The following PERM1 variants were observed in gnomAD, a reference collection of about 807,000 sequenced individuals.
PERM1 encodes PGC-1 and ERR-induced regulator in muscle protein 1.
A neutral mutation model predicts 44.1 loss-of-function variants in PERM1; 45 were observed. That is an observed-to-expected ratio of 1.02 (90% confidence interval 0.80 to 1.31). The LOEUF is 1.31. Ranked by LOEUF, PERM1 falls within the 50% of genes most tolerant of loss-of-function variation. The pLI is 0.00. For synonymous variants in PERM1, 565 were observed against 477.1 expected, an observed-to-expected ratio of 1.18 and a Z score of -2.40; for missense variants, 1,189 against 1,106.9, an observed-to-expected ratio of 1.07 and a Z score of -1.05.
At chr1:978,553 A>T (rs1264728717) in intron 1 of PERM1, among the ~76,000 whole-genome samples, 1 of 152,238 alleles carries the variant, frequency 6.6e-6, no homozygotes, top group Non-Finnish European at 1.5e-5. Context: ...TCAGTGTGAG[A>T]TGGGCCTCGT....
At chr1:979,828 A>G (rs748444328) in exon 1 of PERM1, 2 of 1,549,804 alleles carry the variant, frequency 1.3e-6, no homozygotes, top group South Asian at 1.2e-5. Flanking sequence ...AGGTGTGGAC[A>G]CAGCCACGTC....
chr1:976,085 G>A (rs1273789969), exon 3 of PERM1: 2 of 1,332,402 alleles, frequency 1.5e-6, no homozygotes, highest in Middle Eastern at 2.6e-4. Context: ...AGGGGTCAGA[G>A]GGCCCGGGCG....
At chr1:980,397 C>G in exon 1 of PERM1, 1 of 1,549,982 alleles carries the variant, frequency 6.5e-7, no homozygotes, top group Non-Finnish European at 8.7e-7. Context: ...CAGGACTGGC[C>G]GCAGGGAGCA....
chr1:976,388 G>T (rs1360956708), intron 2 of PERM1, 111 bp downstream of exon 3: 22 of 1,510,464 alleles, frequency 1.5e-5, no homozygotes, highest in South Asian at 2.5e-5. Context: ...AGCTCAGCCT[G>T]GGGGGAGCAG....
chr1:978,933 G>T (rs1198794361), exon 1 of PERM1: 7 of 1,507,058 alleles, frequency 4.6e-6, no homozygotes, highest in Admixed American at 2.2e-5. Context: ...GCTTGAGGGG[G>T]GTCCCAGGCC....
At chr1:976,576 A>G in exon 2 of PERM1, 6 of 1,549,546 alleles carry the variant, frequency 3.9e-6, no homozygotes, top group Non-Finnish European at 5.2e-6. Flanking sequence ...CACCAGGCAC[A>G]TGTCATTCTG....
rs1255357753 is a variant in PERM1, at chr1:978,877, G to T, written c.2149+4C>A. The stretch of plus-strand genomic sequence containing the variant: ...GACGGGCTGTGGGATCCGAGAGCAC[G>T]TACCTGCCCGTCTAAGAGCCAGGTG... On this transcript the variant is annotated splice_donor_region_variant and intron_variant, in intron 1 of 2. Transcript: ENST00000433179. The T allele has an allele frequency of 2.0e-6, 3 of 1,476,736 alleles. No individual in the cohort carries two copies. The East Asian group carries it at 7.5e-5, about 37-fold the overall frequency. 91.5% of individuals were successfully genotyped at this position (1,476,736 alleles called of 1,614,324 possible). A position where few individuals can be genotyped will look rare whatever the true frequency, so the allele number is the denominator to read the frequency against.
At chr1:981,104 C>T, upstream of PERM1, 3 of 1,548,744 alleles carry the variant, frequency 1.9e-6, no homozygotes, top group Non-Finnish European at 8.7e-7. Flanking sequence ...CCCCGGGCAC[C>T]ACCCTGCACA....
At chr1:976,290 C>G in intron 2 of PERM1, 21 bp from the exon 4 acceptor site, 1 of 1,485,672 alleles carries the variant, frequency 6.7e-7, no homozygotes, top group African/African-American at 1.4e-5. Context: ...AGCACAGGCT[C>G]TTCTGAGGGC....
At chr1:978,994 G>C (rs945957682) in exon 1 of PERM1, 3 of 1,527,560 alleles carry the variant, frequency 2.0e-6, no homozygotes, top group East Asian at 2.5e-5. Flanking sequence ...CAGTGGGAGC[G>C]GGACAGCCGG....
exon 3 of PERM1, chr1:975,842 C>T (rs1295599418): frequency 1.3e-5 from 4 of 305,644 alleles, no homozygotes; most frequent in East Asian, 1.3e-4. Flanking sequence ...ACAACAACTT[C>T]TTAGTAAAAT....
At chr1:979,536 G>A (rs532401654) in exon 1 of PERM1, 1 of 1,550,008 alleles carries the variant, frequency 6.5e-7, no homozygotes, top group Non-Finnish European at 8.7e-7. Flanking sequence ...TCTTCCTGGG[G>A]ACTTGGGTGA....
At chr1:980,735 C>G (rs932082507) in exon 1 of PERM1, 1 of 1,411,806 alleles carries the variant, frequency 7.1e-7, no homozygotes, top group Admixed American at 3.2e-5. Context: ...GTCTGCTGAC[C>G]GGTCCCCAGG....
chr1:979,062 G>A (rs1643705996), exon 1 of PERM1: 2 of 1,547,362 alleles, frequency 1.3e-6, no homozygotes, highest in Admixed American at 2.0e-5. Flanking sequence ...AGACCTCAGG[G>A]ATGGAGATGG....
rs1296493621 is a variant in PERM1 at position 979,826 on chromosome 1, A to T, written c.1204T>A (p.Ser402Thr). ...AGGCCATGTTTGGAGGCAGGTGTGGACACAGCCACGTCCGTGTCCAATTGT... is the reference window on the plus strand; with the variant it reads ...AGGCCATGTTTGGAGGCAGGTGTGGTCACAGCCACGTCCGTGTCCAATTGT... The change falls in exon 1 of 3, where the codon TCC becomes ACC. Residue 402 changes from serine to threonine, a missense_variant. Physicochemically the swap from Ser to Thr is moderately conservative, Grantham distance 58 (BLOSUM62 1). Coordinates refer to ENST00000433179, the Ensembl canonical transcript of PERM1. 1.9e-6 allele frequency: 3 copies of T among 1,549,802 alleles called. No homozygotes were observed. In the Admixed American group the frequency reaches 5.9e-5, roughly 30 times the overall value.
intron 2 of PERM1, 59 bp from the exon 4 acceptor site, chr1:976,328 G>A: frequency 6.8e-7 from 1 of 1,466,258 alleles, no homozygotes; most frequent in African/African-American, 1.4e-5. Flanking sequence ...CCGTCTGCCC[G>A]CAAGACCCAG....
chr1:981,403 A>G (rs1456955475), upstream of PERM1, among the ~76,000 whole-genome samples: 1 of 151,966 alleles, frequency 6.6e-6, no homozygotes, highest in Non-Finnish European at 1.5e-5. Flanking sequence ...TTCCCATCAC[A>G]CCTCAGCTGG....
chr1:976,341 C>A (rs1373946526), intron 2 of PERM1, 72 bp from the exon 4 acceptor site: 7 of 1,472,866 alleles, frequency 4.8e-6, no homozygotes, highest in South Asian at 1.4e-5. Flanking sequence ...AGACCCAGCC[C>A]TCAAAGGGCG....
At chr1:980,572 G>A in exon 1 of PERM1, 1 of 1,456,642 alleles carries the variant, frequency 6.9e-7, no homozygotes, top group South Asian at 1.5e-5. Context: ...ACTCCCAGGG[G>A]GCTCACCAGG....
Sources: gnomAD v4.1 joint callset for allele counts (sites outside exome capture counted in the v4.1 genomes callset) on GRCh38, gnomAD v4.1.1 for gene constraint, MANE v1.5 for transcripts, NCBI Gene and HGNC (gene_info 2026-07-23, HGNC 2026-07-21) for gene names.